Variants in SLC8A1 observed in about 807,000 individuals in gnomAD.
SLC8A1 encodes solute carrier family 8 member A1.
Under a neutral mutation model 68.3 loss-of-function variants are expected in SLC8A1, and 18 were observed. The observed-to-expected ratio is 0.26, with a 90% confidence interval of 0.18 to 0.39. SLC8A1 has a LOEUF of 0.39. SLC8A1 is among the 10% of genes least tolerant of loss of function. SLC8A1 has a pLI of 1.00. For missense variants in SLC8A1, 985 were observed against 1,156.7 expected, an observed-to-expected ratio of 0.85 and a Z score of 2.15; for synonymous variants, 475 against 415.5, an observed-to-expected ratio of 1.14 and a Z score of -1.74.
At chr2:40,257,343 C>A (rs2064082360) in intron 2 of SLC8A1, among the ~76,000 whole-genome samples, 1 of 151,940 alleles carries the variant, frequency 6.6e-6, no homozygotes, top group Admixed American at 6.6e-5. Flanking sequence ...TTAGATGGTC[C>A]CAAATCAGAG....
chr2:40,450,781 A>C (rs560876278), intron 1 of SLC8A1, among the ~76,000 whole-genome samples: 1 of 152,366 alleles, frequency 6.6e-6, no homozygotes, highest in East Asian at 1.9e-4. Context: ...CGGGGGCTTC[A>C]AAAGGATACC....
At chr2:40,409,031 G>A (rs1691289774) in intron 2 of SLC8A1, among the ~76,000 whole-genome samples, 2 of 152,104 alleles carry the variant, frequency 1.3e-5, no homozygotes, top group Admixed American at 6.6e-5. Flanking sequence ...ATGATTATAT[G>A]TAAATATTGT....
chr2:40,219,166 G>T (rs542545280), intron 2 of SLC8A1, among the ~76,000 whole-genome samples: 1 of 152,182 alleles, frequency 6.6e-6, no homozygotes, highest in African/African-American at 2.4e-5. Flanking sequence ...ATGCTGGAGC[G>T]GAGTTGGGTC....
chr2:40,286,590 T>C (rs1299049711), intron 2 of SLC8A1, among the ~76,000 whole-genome samples: 1 of 152,216 alleles, frequency 6.6e-6, no homozygotes, highest in Non-Finnish European at 1.5e-5. Flanking sequence ...GTTTAAGTTC[T>C]AAGGCAACTG....
chr2:40,428,615 T>C, exon 2 of SLC8A1: 1 of 1,613,868 alleles, frequency 6.2e-7, no homozygotes, highest in East Asian at 2.2e-5. Context: ...TTCACCTCCA[T>C]GATGCCAATG....
intron 6 of SLC8A1, among the ~76,000 whole-genome samples, chr2:40,153,524 G>A (rs1489354625): frequency 6.6e-6 from 1 of 152,172 alleles, no homozygotes; most frequent in African/African-American, 2.4e-5. Flanking sequence ...AGCTAAGTTG[G>A]ATGGCAGCAG....
At chr2:40,311,077 C>T (rs1051812485) in intron 2 of SLC8A1, among the ~76,000 whole-genome samples, 4 of 151,958 alleles carry the variant, frequency 2.6e-5, no homozygotes, top group Admixed American at 2.6e-4. Flanking sequence ...ACCTGGGGTT[C>T]CTTTACATTT....
chr2:40,430,249 G>A (rs761802445), exon 2 of SLC8A1: 3 of 1,612,858 alleles, frequency 1.9e-6, no homozygotes, highest in East Asian at 2.2e-5. Context: ...TGAAAAGGTG[G>A]GTGAAAGACT....
chr2:40,152,977 A>T (rs530394049), intron 6 of SLC8A1, among the ~76,000 whole-genome samples: 117 of 152,172 alleles, frequency 7.7e-4, no homozygotes, highest in African/African-American at 2.7e-3. Context: ...CATCTTTTTT[A>T]AAAAAATAGA....
At chr2:40,200,174 AT>A (rs2053870650) in intron 2 of SLC8A1, among the ~76,000 whole-genome samples, 2 of 9,476 alleles carry the variant, frequency 2.1e-4, no homozygotes, top group East Asian at 9.7e-4. Context: ...CAAGTCATTG[AT>A]ATATATATAT....
intron 2 of SLC8A1, among the ~76,000 whole-genome samples, chr2:40,253,004 T>A (rs2063122198): frequency 7.5e-6 from 1 of 133,700 alleles, no homozygotes; most frequent in African/African-American, 2.8e-5. Flanking sequence ...TATATACATA[T>A]ATATGTATCT....
At chr2:40,197,158 T>C (rs1261680463) in intron 2 of SLC8A1, among the ~76,000 whole-genome samples, 1 of 152,026 alleles carries the variant, frequency 6.6e-6, no homozygotes, top group Admixed American at 6.6e-5. Flanking sequence ...TGCCAAGCCA[T>C]TTGCCCCAGT....
intron 7 of SLC8A1, among the ~76,000 whole-genome samples, chr2:40,122,040 A>T (rs2036955055): frequency 6.6e-6 from 1 of 151,926 alleles, no homozygotes; most frequent in Non-Finnish European, 1.5e-5. Context: ...CTATACCCTC[A>T]TCTGTCTTGC....
intron 2 of SLC8A1, among the ~76,000 whole-genome samples, chr2:40,380,518 G>A (rs902593957): frequency 6.6e-6 from 1 of 151,984 alleles, no homozygotes; most frequent in Non-Finnish European, 1.5e-5. Flanking sequence ...TGAGACAGAT[G>A]CAAAATCATT....
chr2:40,177,956 G>A (rs2048767492), intron 2 of SLC8A1: 1 of 782,904 alleles, frequency 1.3e-6, no homozygotes, highest in South Asian at 1.5e-5. Context: ...TATGGAGGGA[G>A]AACTGGCAGC....
At chr2:40,112,390 A>G (rs1254076963) in exon 8 of SLC8A1, 2 of 150,632 alleles carry the variant, frequency 1.3e-5, no homozygotes, top group Admixed American at 6.6e-5. Flanking sequence ...ATTTTACACA[A>G]CTATAATAAT....
intron 2 of SLC8A1, among the ~76,000 whole-genome samples, chr2:40,423,618 T>G (rs947762310): frequency 7.2e-5 from 11 of 152,004 alleles, no homozygotes; most frequent in Non-Finnish European, 1.3e-4. Context: ...AAATCTCAAT[T>G]GCTAAGACAA....
At chr2:40,200,808 T>G (rs891448787) in intron 2 of SLC8A1, among the ~76,000 whole-genome samples, 2 of 151,946 alleles carry the variant, frequency 1.3e-5, no homozygotes, top group Non-Finnish European at 2.9e-5. Flanking sequence ...GACTTCATGC[T>G]TCTTATTACT....
chr2:40,174,570 T>A (rs1420543861), intron 4 of SLC8A1, 136 bp downstream of exon 6: 1 of 838,746 alleles, frequency 1.2e-6, no homozygotes, highest in Non-Finnish European at 1.9e-6. Flanking sequence ...TTGTAAAACG[T>A]TAAATGTGTA....
Sources: gnomAD v4.1 joint callset for allele counts (sites outside exome capture counted in the v4.1 genomes callset) on GRCh38, gnomAD v4.1.1 for gene constraint, MANE v1.5 for transcripts, NCBI Gene and HGNC (gene_info 2026-07-23, HGNC 2026-07-21) for gene names.